Variants in ASB18 observed in about 807,000 individuals in gnomAD.
ASB18 encodes ankyrin repeat and SOCS box protein 18.
In ASB18, 33 loss-of-function variants were observed where a neutral mutation model predicts 33.4. The observed-to-expected ratio is 0.99, with a 90% CI of 0.75 to 1.32. The LOEUF (loss-of-function observed/expected upper bound fraction) is 1.32. ASB18 is among the 40% of genes most tolerant of loss of function. The pLI, the probability that ASB18 is intolerant of heterozygous loss-of-function variation, is 0.00. For synonymous variants in ASB18, 295 were observed against 307.6 expected (o/e 0.96, Z 0.43); for missense variants, 694 against 655.5 (o/e 1.06, Z -0.64).
chr2:236,230,283 A>G (rs952212702), intron 3 of ASB18, among the ~76,000 whole-genome samples: 2 of 151,612 alleles, frequency 1.3e-5, no homozygotes, highest in African/African-American at 4.9e-5. Flanking sequence ...CTCAGGTGAA[A>G]TAAAGACTTT....
intron 4 of ASB18, among the ~76,000 whole-genome samples, chr2:236,202,777 CAA>C (rs34973734): frequency 1.0e-3 from 71 of 68,734 alleles, no homozygotes; most frequent in African/African-American, 2.7e-3. Flanking sequence ...GACTCCGTCT[CAA>C]AAAAAAAAAA....
chr2:236,196,196 C>T lies in ASB18; in HGVS notation c.1215+76G>A. ...TATAATACTTAGCCGAATATCAGTGCAAAACTCCCCATGCAAAGAAGCAAA... is the reference window on the plus strand; with the variant it reads ...TATAATACTTAGCCGAATATCAGTGTAAAACTCCCCATGCAAAGAAGCAAA... On this transcript the variant is annotated intron_variant, in intron 5 of 5. Coordinates refer to ENST00000409749, the MANE Select transcript of ASB18 (RefSeq NM_212556.4). The surrounding 1 kb of genome is among the most constrained non-coding windows in gnomAD (Gnocchi z 5.6). 1.3e-6 allele frequency: 1 copy of T among 776,470 alleles called. No individual in the cohort carries two copies. Among genetic ancestry groups the T allele is most frequent in the Non-Finnish European group, 2.3e-6 (1 of 438,528 alleles). The allele number at this position is 776,470 out of a possible 1,614,324, so 48.1% of individuals were successfully genotyped here.
rs564692530 is a variant in ASB18 at position 236,259,646 on chromosome 2, G to A, written c.205+4495C>T. On this transcript the variant is annotated intron_variant, in intron 1 of 5. Coordinates refer to ENST00000409749, the MANE Select transcript of ASB18 (RefSeq NM_212556.4). This position sits in a 1 kb window ranked among gnomAD's most constrained non-coding sequence, Gnocchi z 4.4. Reference sequence around the variant, plus strand: ...CTGGCTGGGAGGATCCTGTTGGGATGGGGATGCTGACTGTAGAGCGTGGGG... The same window carrying A: ...CTGGCTGGGAGGATCCTGTTGGGATAGGGATGCTGACTGTAGAGCGTGGGG... The A allele has an allele frequency of 2.1e-6, 1 of 467,260 alleles. No individual in the cohort carries two copies. Among genetic ancestry groups the A allele is most frequent in the East Asian group, 7.0e-5 (1 of 14,286 alleles). 28.9% of individuals were successfully genotyped at this position (467,260 alleles called of 1,614,324 possible). A position where few individuals can be genotyped will look rare whatever the true frequency, so the allele number is the denominator to read the frequency against.
chr2:236,214,785 C>T lies in ASB18; in HGVS notation c.678G>A (p.Ala226=). ...CGTGCTCGTCCAGGCCGCGCTGCGC[C>T]GCCACGTGCAGCGGCGTGTCCCGGC... ...GTGRDTPLHV[A]AQRGLDEHAR... is the part of the protein sequence containing the mutation. The change falls in exon 4 of 6, where the codon GCG becomes GCA. Residue 226 remains alanine (A), a synonymous_variant. Coordinates refer to ENST00000409749, the MANE Select transcript of ASB18 (RefSeq NM_212556.4). The surrounding 1 kb of genome is among the most constrained non-coding windows in gnomAD (Gnocchi z 6.5). 1 of 1,201,096 alleles carries T rather than the reference C, an allele frequency of 8.3e-7. No homozygotes were observed. The highest frequency in any genetic ancestry group is 1.0e-6 in the Non-Finnish European group (1 of 967,922). 74.4% of individuals were successfully genotyped at this position (1,201,096 alleles called of 1,614,324 possible).
Position 236,214,892 on chromosome 2 carries a change from C to T in ASB18, c.597-26G>A, listed in dbSNP as rs533836717. On this transcript the variant is annotated intron_variant, in intron 3 of 5. Coordinates refer to ENST00000409749, the MANE Select transcript of ASB18 (RefSeq NM_212556.4). This position sits in a 1 kb window ranked among gnomAD's most constrained non-coding sequence, Gnocchi z 6.5. ...CTGTGGGAAGCCAGGGCCTGTCACT[C>T]GGGCGCCACGCAGGACGCCCGCACC... 1.3e-3 allele frequency: 1,564 copies of T among 1,207,446 alleles called. No individual in the cohort carries two copies. Among genetic ancestry groups the T allele is most frequent in the Middle Eastern group, 2.6e-3 (8 of 3,052 alleles). 74.8% of individuals were successfully genotyped at this position (1,207,446 alleles called of 1,614,324 possible). A position where few individuals can be genotyped will look rare whatever the true frequency, so the allele number is the denominator to read the frequency against.
At chr2:236,261,888 A>G (rs1481200588) in intron 1 of ASB18, among the ~76,000 whole-genome samples, 1 of 152,158 alleles carries the variant, frequency 6.6e-6, no homozygotes, top group Non-Finnish European at 1.5e-5. Context: ...TAAAACCATC[A>G]GATCTCGTGA....
chr2:236,241,178 C>G lies in ASB18; in HGVS notation c.328+102G>C. On this transcript the variant is annotated intron_variant, in intron 2 of 5. Transcript: ENST00000409749. This position sits in a 1 kb window ranked among gnomAD's most constrained non-coding sequence, Gnocchi z 4.2. ...TGTCCTTTTCTTGTGTACGTTAAAC[C>G]CAGTGCCACTGTGCCCAGTCTACAC... The G allele has an allele frequency of 8.4e-7, 1 of 1,189,260 alleles. No individual in the cohort carries two copies. The highest frequency in any genetic ancestry group is 1.2e-6 in the Non-Finnish European group (1 of 820,554). The allele number at this position is 1,189,260 out of a possible 1,614,324, so 73.7% of individuals were successfully genotyped here.
Position 236,237,629 on chromosome 2 carries a change from G to T in ASB18, c.596+60C>A. 2 of 1,297,338 alleles carry T rather than the reference G, an allele frequency of 1.5e-6. No homozygotes were observed. Among genetic ancestry groups the T allele is most frequent in the Non-Finnish European group, 2.0e-6 (2 of 1,015,670 alleles). The allele number at this position is 1,297,338 out of a possible 1,614,324, so 80.4% of individuals were successfully genotyped here. ...GGCGGGGTCGGCGGTCTCGTGGGGG[G>T]AGGCGGGCGTCTGGTCTCGGGGCGG... On this transcript the variant is annotated intron_variant, in intron 3 of 5. Transcript: ENST00000409749. This position sits in a 1 kb window ranked among gnomAD's most constrained non-coding sequence, Gnocchi z 6.2.
At chr2:236,246,312 A>C (rs1233603674) in intron 1 of ASB18, among the ~76,000 whole-genome samples, 1 of 130,482 alleles carries the variant, frequency 7.7e-6, no homozygotes, top group East Asian at 2.5e-4. Flanking sequence ...ATGCCACTGC[A>C]CTGCAGCTTG....
At chr2:236,210,132 A>C (rs1016925862) in intron 4 of ASB18, among the ~76,000 whole-genome samples, 1 of 152,228 alleles carries the variant, frequency 6.6e-6, no homozygotes, top group Non-Finnish European at 1.5e-5. Context: ...CGTGACAGGC[A>C]GCTCCACCAG....
intron 4 of ASB18, among the ~76,000 whole-genome samples, chr2:236,197,767 AG>A (rs1188920896): frequency 2.0e-5 from 3 of 151,892 alleles, no homozygotes; most frequent in Non-Finnish European, 4.4e-5. Context: ...GGTTGCGGTG[AG>A]CCGAGATTGT....
rs1173822450 is a variant in ASB18, at chr2:236,211,928, C to T, written c.1101+2434G>A. On this transcript the variant is annotated intron_variant, in intron 4 of 5. Coordinates refer to ENST00000409749, the MANE Select transcript of ASB18 (RefSeq NM_212556.4). The surrounding 1 kb of genome is among the most constrained non-coding windows in gnomAD (Gnocchi z 5.0). ...TGCAAAAAGGTGGAATCCTTATTTC[C>T]AAAGATTTAATGCAGGCCATGAGCC... 6.6e-6 allele frequency among the ~76,000 whole-genome samples: 1 copy of T among 152,124 alleles called. No individual in the cohort carries two copies. The highest frequency in any genetic ancestry group is 6.5e-5 in the Admixed American group (1 of 15,276).
rs996399754 is a variant in ASB18 at position 236,250,703 on chromosome 2, A to T, written c.206-9301T>A. 1 of 152,084 alleles carries T rather than the reference A, an allele frequency of 6.6e-6. No individual in the cohort carries two copies. Among genetic ancestry groups the T allele is most frequent in the African/African-American group, 2.4e-5 (1 of 41,400 alleles). The allele number at this position is 152,084 out of a possible 1,614,324, so 9.4% of individuals were successfully genotyped here. On this transcript the variant is annotated intron_variant, in intron 1 of 5. Coordinates refer to ENST00000409749, the MANE Select transcript of ASB18 (RefSeq NM_212556.4). This position sits in a 1 kb window ranked among gnomAD's most constrained non-coding sequence, Gnocchi z 4.1. ...TCTGGTCTTTATTCTTCCTGTTTTA[A>T]TGTCTAAAGCCACCTTTCCTTCACC...
chr2:236,241,635 G>T lies in ASB18; in HGVS notation c.206-233C>A. ...GTCATCCAGTTGGGGCTCGATGGTG[G>T]TATATTTATAACTCCTGTGGGCTCC... On this transcript the variant is annotated intron_variant, in intron 1 of 5. Transcript: ENST00000409749. This position sits in a 1 kb window ranked among gnomAD's most constrained non-coding sequence, Gnocchi z 4.2. The T allele has an allele frequency of 1.6e-6, 1 of 636,840 alleles. No homozygotes were observed. The highest frequency in any genetic ancestry group is 1.9e-5 in the South Asian group (1 of 53,952). 39.4% of individuals were successfully genotyped at this position (636,840 alleles called of 1,614,324 possible). A position where few individuals can be genotyped will look rare whatever the true frequency, so the allele number is the denominator to read the frequency against.
At position 236,241,429 on chromosome 2, in the gene ASB18, T is replaced by C; in HGVS notation, c.206-27A>G. ...TGCGACCAGGGCAGTGTGGTACTCC[T>C]GCACCGGGGACCCTGCTCTAGCTTG... On this transcript the variant is annotated intron_variant, in intron 1 of 5. Transcript: ENST00000409749. The surrounding 1 kb of genome is among the most constrained non-coding windows in gnomAD (Gnocchi z 4.2). 6.2e-7 allele frequency: 1 copy of C among 1,613,788 alleles called. No individual in the cohort carries two copies. Among genetic ancestry groups the C allele is most frequent in the Non-Finnish European group, 8.5e-7 (1 of 1,179,762 alleles).
chr2:236,254,145 T>A (rs764711245), intron 1 of ASB18: 1 of 152,154 alleles, frequency 6.6e-6, no homozygotes, highest in African/African-American at 2.4e-5. Flanking sequence ...AATATGTAAA[T>A]GAAGGAGGTG....
Position 236,259,756 on chromosome 2 carries a change from G to A in ASB18, c.205+4385C>T, listed in dbSNP as rs1035403525. 2.6e-5 allele frequency among the ~76,000 whole-genome samples: 4 copies of A among 152,218 alleles called. No individual in the cohort carries two copies. The highest frequency in any genetic ancestry group is 2.0e-4 in the Admixed American group (3 of 15,290). ...AGCAGGTGCCTTCACAAGGGCACAG[G>A]CCAGTTGCCTGTTTAAGAGAATTCT... On this transcript the variant is annotated intron_variant, in intron 1 of 5. Transcript: ENST00000409749. The surrounding 1 kb of genome is among the most constrained non-coding windows in gnomAD (Gnocchi z 4.4).
chr2:236,222,316 G>A lies in ASB18; in HGVS notation c.597-7450C>T, dbSNP rs755604834. ...GATGTGAATAGACAAATCCTTCAGG[G>A]TAGGAGGGCGACTGAGAAGAGAAAC... On this transcript the variant is annotated intron_variant, in intron 3 of 5. Coordinates refer to ENST00000409749, the MANE Select transcript of ASB18 (RefSeq NM_212556.4). This position sits in a 1 kb window ranked among gnomAD's most constrained non-coding sequence, Gnocchi z 5.5. Among the ~76,000 whole-genome samples the A allele has an allele frequency of 5.3e-5, 8 of 152,168 alleles. No individual in the cohort carries two copies. Among genetic ancestry groups the A allele is most frequent in the South Asian group, 2.1e-4 (1 of 4,830 alleles).
In ASB18 at chr2:236,200,986, T is replaced by G. The variant is rs1003116277; in HGVS notation, c.1102-4601A>C. 6.6e-6 allele frequency among the ~76,000 whole-genome samples: 1 copy of G among 152,228 alleles called. No individual in the cohort carries two copies. Among genetic ancestry groups the G allele is most frequent in the Non-Finnish European group, 1.5e-5 (1 of 68,046 alleles). On this transcript the variant is annotated intron_variant, in intron 4 of 5. Coordinates refer to ENST00000409749, the MANE Select transcript of ASB18 (RefSeq NM_212556.4). The surrounding 1 kb of genome is among the most constrained non-coding windows in gnomAD (Gnocchi z 4.2). ...TGTCTTTCATGCTCCTTGGATTGAC[T>G]GCTCAGTTAATTTCATAACATTTTT... is the stretch of plus-strand genomic sequence containing the variant.
Sources: gnomAD v4.1 joint callset for allele counts (sites outside exome capture counted in the v4.1 genomes callset) on GRCh38, gnomAD v4.1.1 for gene constraint, Gnocchi (gnomAD v3.1) non-coding constraint, MANE v1.5 for transcripts, NCBI Gene and HGNC (gene_info 2026-07-23, HGNC 2026-07-21) for gene names.